Variants in DLG2 observed in about 807,000 individuals in gnomAD.
The protein encoded by DLG2 is discs large MAGUK scaffold protein 2.
DLG2 carries 45 observed loss-of-function variants against 132.5 expected under a neutral mutation model. That is an observed-to-expected ratio of 0.34 (90% CI 0.27 to 0.44). The LOEUF (loss-of-function observed/expected upper bound fraction) is 0.44, where lower values mean the gene tolerates loss of function less well. Ranked by LOEUF, DLG2 falls within the 20% of genes least tolerant of loss-of-function variation. DLG2 has a pLI of 1.00. For synonymous variants in DLG2, 424 were observed against 419.6 expected (o/e 1.01, Z -0.13); for missense variants, 1,045 against 1,196.9 (o/e 0.87, Z 1.87).
At chr11:85,253,442 C>G (rs1055605303) in intron 4 of DLG2, among the ~76,000 whole-genome samples, 1 of 152,170 alleles carries the variant, frequency 6.6e-6, no homozygotes, top group Non-Finnish European at 1.5e-5. Flanking sequence ...GAACTCCACT[C>G]ACTCGCTGCT....
chr11:84,476,573 T>C (rs1321541534), intron 7 of DLG2, among the ~76,000 whole-genome samples: 1 of 152,172 alleles, frequency 6.6e-6, no homozygotes, highest in Non-Finnish European at 1.5e-5. Flanking sequence ...AGTTTACAAA[T>C]GTTAATTGTT....
intron 3 of DLG2, among the ~76,000 whole-genome samples, chr11:85,405,557 C>A (rs1486571156): frequency 6.6e-6 from 1 of 151,962 alleles, no homozygotes; most frequent in African/African-American, 2.4e-5. Flanking sequence ...GCTTACCATC[C>A]ACCAGACACT....
chr11:85,391,005 C>G (rs1298311313), intron 3 of DLG2, among the ~76,000 whole-genome samples: 1 of 151,718 alleles, frequency 6.6e-6, no homozygotes, highest in Non-Finnish European at 1.5e-5. Flanking sequence ...AAAGCTGGTT[C>G]TTTGAAAAGA....
intron 18 of DLG2, among the ~76,000 whole-genome samples, chr11:83,722,023 GAAGA>G (rs974299290): frequency 5.9e-5 from 9 of 152,052 alleles, no homozygotes; most frequent in African/African-American, 2.2e-4. Flanking sequence ...TGACTGACAA[GAAGA>G]AAAAGGCAAG....
chr11:84,274,470 T>C (rs796824416), intron 7 of DLG2, among the ~76,000 whole-genome samples: 1 of 152,226 alleles, frequency 6.6e-6, no homozygotes. Flanking sequence ...GTACAAATTG[T>C]AGGAAACAGT....
chr11:84,424,050 G>C (rs1429917614), intron 7 of DLG2, among the ~76,000 whole-genome samples: 1 of 152,132 alleles, frequency 6.6e-6, no homozygotes, highest in East Asian at 1.9e-4. Context: ...ATACTAATTA[G>C]AGGCCATTGC....
At chr11:85,331,813 C>T (rs2081772097) in intron 3 of DLG2, among the ~76,000 whole-genome samples, 1 of 152,196 alleles carries the variant, frequency 6.6e-6, no homozygotes, top group Non-Finnish European at 1.5e-5. Flanking sequence ...TCTTTTATGG[C>T]TGCATAGTAT....
intron 6 of DLG2, chr11:84,720,461 T>C (rs1657845710): frequency 4.1e-6 from 4 of 985,224 alleles, no homozygotes; most frequent in Non-Finnish European, 4.8e-6. Flanking sequence ...GCCGGGCACA[T>C]GGAGCGACAG....
At chr11:83,893,423 C>T (rs972041909) in intron 15 of DLG2, among the ~76,000 whole-genome samples, 3 of 152,190 alleles carry the variant, frequency 2.0e-5, no homozygotes, top group African/African-American at 4.8e-5. Context: ...CCTAGCCATG[C>T]TGGCCTTCTT....
intron 6 of DLG2, among the ~76,000 whole-genome samples, chr11:85,018,571 G>A (rs373100254): frequency 7.9e-5 from 12 of 152,142 alleles, no homozygotes; most frequent in African/African-American, 2.4e-4. Flanking sequence ...ACATGGGAAA[G>A]TTCTTTCAGA....
At chr11:83,496,867 T>C (rs2094173651) in intron 21 of DLG2, among the ~76,000 whole-genome samples, 3 of 152,214 alleles carry the variant, frequency 2.0e-5, no homozygotes, top group Admixed American at 6.5e-5. Context: ...TAAATATGTA[T>C]AGATTAATCT....
intron 11 of DLG2, among the ~76,000 whole-genome samples, chr11:84,046,075 T>G (rs1163643967): frequency 1.3e-5 from 2 of 151,602 alleles, no homozygotes; most frequent in African/African-American, 4.8e-5. Flanking sequence ...AATTGAAGAC[T>G]TGGTCACGGT....
intron 6 of DLG2, among the ~76,000 whole-genome samples, chr11:84,786,658 A>G (rs77242070): frequency 6.6e-6 from 1 of 152,206 alleles, no homozygotes; most frequent in Admixed American, 6.5e-5. Flanking sequence ...TAAAGCTCCA[A>G]TGAGCCATAA....
chr11:84,145,416 T>C (rs34337231), intron 9 of DLG2, among the ~76,000 whole-genome samples: 5,266 of 152,308 alleles, frequency 0.035, 140 homozygotes, highest in Non-Finnish European at 0.055. Flanking sequence ...CTGAATATTA[T>C]AGACAATTGC....
At chr11:84,013,086 C>T (rs1221251467) in intron 11 of DLG2, among the ~76,000 whole-genome samples, 2 of 152,082 alleles carry the variant, frequency 1.3e-5, no homozygotes, top group African/African-American at 2.4e-5. Flanking sequence ...ATCTGTCTTA[C>T]TTCTCTAATT....
At chr11:84,828,226 G>T (rs1287001004) in intron 6 of DLG2, among the ~76,000 whole-genome samples, 1 of 151,864 alleles carries the variant, frequency 6.6e-6, no homozygotes, top group African/African-American at 2.4e-5. Flanking sequence ...GGGATAGGCT[G>T]GCTTTCATTG....
intron 6 of DLG2, among the ~76,000 whole-genome samples, chr11:84,848,567 T>C (rs1337593970): frequency 2.6e-5 from 4 of 152,074 alleles, no homozygotes; most frequent in Non-Finnish European, 5.9e-5. Context: ...TACATGGAAG[T>C]GTATATTAGC....
At position 84,024,230 on chromosome 11, in the gene DLG2, C is replaced by T. The variant is rs568517363; in HGVS notation, c.919+35085G>A. On this transcript the variant is annotated intron_variant, in intron 11 of 27. Coordinates refer to ENST00000376104, the MANE Select transcript of DLG2 (RefSeq NM_001142699.3). ...TAACTCTCTCATATGGTAAAAAATG[C>T]ATCAAACTCTCTGACCTATAGTTAA... Among the ~76,000 whole-genome samples the T allele has an allele frequency of 3.9e-5, 6 of 152,256 alleles. No individual in the cohort carries two copies. In the South Asian group the frequency reaches 1.0e-3, roughly 26 times the overall value.
intron 9 of DLG2, among the ~76,000 whole-genome samples, chr11:84,161,247 A>C (rs1210049189): frequency 6.6e-6 from 1 of 152,134 alleles, no homozygotes; most frequent in Non-Finnish European, 1.5e-5. Flanking sequence ...AATTAGAGTG[A>C]GGGACCAGGT....
Sources: allele counts gnomAD v4.1 joint callset (sites outside exome capture counted in the v4.1 genomes callset), GRCh38; gene constraint gnomAD v4.1.1; transcripts MANE v1.5; gene names NCBI Gene and HGNC (gene_info 2026-07-23, HGNC 2026-07-21).